Variants in ZNF169 observed in about 807,000 individuals in gnomAD.
The protein encoded by ZNF169 is zinc finger protein 169.
ZNF169 carries 11 observed loss-of-function variants against 12.0 expected under a neutral mutation model. The observed-to-expected ratio is 0.92, with a 90% CI of 0.58 to 1.52. The LOEUF (loss-of-function observed/expected upper bound fraction) is 1.52. ZNF169 is among the 40% of genes most tolerant of loss of function. The pLI is 0.00. For synonymous variants in ZNF169, 302 were observed against 286.5 expected, an observed-to-expected ratio of 1.05 and a Z score of -0.55; for missense variants, 722 against 744.0, an observed-to-expected ratio of 0.97 and a Z score of 0.34.
chr9:94,286,943 A>G (rs1177011371), intron 2 of ZNF169, among the ~76,000 whole-genome samples: 1 of 152,220 alleles, frequency 6.6e-6, no homozygotes, highest in South Asian at 2.1e-4. Context: ...GGAACAGGTC[A>G]TGAAGCTCTG....
chr9:94,295,130 C>G (rs1830925699), intron 4 of ZNF169: 1 of 152,116 alleles, frequency 6.6e-6, no homozygotes. Context: ...GAGTTTGAGA[C>G]CAGCCTGGCC....
At chr9:94,273,780 C>T (rs1001024954) in intron 1 of ZNF169, among the ~76,000 whole-genome samples, 3 of 151,776 alleles carry the variant, frequency 2.0e-5, no homozygotes, top group East Asian at 1.9e-4. Flanking sequence ...GGGGTTTCAC[C>T]GTGTTAGCCA....
intron 1 of ZNF169, among the ~76,000 whole-genome samples, chr9:94,273,354 G>A (rs1830458602): frequency 6.6e-6 from 1 of 151,140 alleles, no homozygotes. Context: ...TTCAGGTCTA[G>A]GGTTTAGCAA....
Position 94,296,334 on chromosome 9 carries a change from A to G in ZNF169, c.256+3265A>G, listed in dbSNP as rs145024763. 4.1e-4 allele frequency among the ~76,000 whole-genome samples: 62 copies of G among 152,342 alleles called. No individual in the cohort carries two copies. In the East Asian group the frequency reaches 9.6e-3, roughly 24 times the overall value. ...CTGTGGTTTACTTTCTATAATCTTA[A>G]TAGTGCCTTTCAAAGAGAAATTTTA... On this transcript the variant is annotated intron_variant, in intron 4 of 4. Transcript: ENST00000395395.
Position 94,291,720 on chromosome 9 carries a change from T to TA in ZNF169, c.34-613dup, listed in dbSNP as rs1239707273. 2.3e-4 allele frequency among the ~76,000 whole-genome samples: 35 copies of TA among 152,098 alleles called. No homozygotes were observed. The East Asian group carries it at 5.4e-3, about 23-fold the overall frequency. On this transcript the variant is annotated intron_variant, in intron 2 of 4. Coordinates refer to ENST00000395395, the MANE Select transcript of ZNF169 (RefSeq NM_194320.4). The stretch of plus-strand genomic sequence containing the variant: ...AAAATACAGTACCATTAAAATTACT[T>TA]AAAAAAAAGAAGAAAGCTGAAGAAA...
intron 4 of ZNF169, chr9:94,294,711 T>C (rs1357542504): frequency 6.6e-6 from 1 of 152,226 alleles, no homozygotes; most frequent in East Asian, 1.9e-4. Flanking sequence ...TTTTCATATG[T>C]TGCTTGGCCC....
At chr9:94,288,824 C>CT (rs1412578436) in intron 2 of ZNF169, among the ~76,000 whole-genome samples, 20 of 151,350 alleles carry the variant, frequency 1.3e-4, no homozygotes, top group South Asian at 1.0e-3. Context: ...TCAATTGAAC[C>CT]TTTTTTTTTC....
At chr9:94,289,894 CAA>C (rs1329952293) in intron 2 of ZNF169, among the ~76,000 whole-genome samples, 1 of 151,902 alleles carries the variant, frequency 6.6e-6, no homozygotes, top group Non-Finnish European at 1.5e-5. Context: ...GTAAAGAAAA[CAA>C]AGAGGCAAAA....
At chr9:94,274,594 G>A (rs9695176) in intron 1 of ZNF169, among the ~76,000 whole-genome samples, 86,358 of 151,972 alleles carry the variant, frequency 0.57, 24,617 homozygotes, top group Middle Eastern at 0.64. Flanking sequence ...ATATTGTTTA[G>A]GTTGACAATG....
chr9:94,260,737 T>G (rs1830188075), intron 1 of ZNF169, among the ~76,000 whole-genome samples: 1 of 151,542 alleles, frequency 6.6e-6, no homozygotes, highest in African/African-American at 2.4e-5. Context: ...TTCTCAAGCC[T>G]CAGGGGGCTG....
intron 1 of ZNF169, among the ~76,000 whole-genome samples, chr9:94,274,621 C>T (rs1484882056): frequency 1.3e-5 from 2 of 152,192 alleles, no homozygotes; most frequent in South Asian, 4.1e-4. Flanking sequence ...ATATACCTAA[C>T]CTGCCGCACA....
chr9:94,296,733 G>A (rs945191567), intron 4 of ZNF169: 2 of 456,812 alleles, frequency 4.4e-6, no homozygotes, highest in African/African-American at 4.0e-5. Flanking sequence ...GTGTCTCTAT[G>A]CCAATACCAC....
In ZNF169 at chr9:94,293,044, C is replaced by T. The variant is rs368149871; in HGVS notation, c.231C>T (p.Asn77=). The change falls in exon 4 of 5, where the codon AAC becomes AAT. Residue 77 remains asparagine, a synonymous_variant. Coordinates refer to ENST00000395395, the MANE Select transcript of ZNF169 (RefSeq NM_194320.4). ...GCGACGAACCTTGGAGAGAGGAGAA[C>T]GAACATCTTCTGGACCTTTGTCCAG... ...EQGDEPWREE[N]EHLLDLCPEP... The T allele has an allele frequency of 8.3e-5, 134 of 1,613,288 alleles. No homozygotes were observed. The highest frequency in any genetic ancestry group is 1.1e-4 in the Non-Finnish European group (124 of 1,179,740).
chr9:94,292,206 G>C (rs1044557607), intron 2 of ZNF169, 135 bp from the exon 3 acceptor site: 6 of 1,462,204 alleles, frequency 4.1e-6, no homozygotes, highest in Admixed American at 1.8e-5. Flanking sequence ...CAGGTTTCAG[G>C]TTAAAAGCAG....
chr9:94,282,858 G>A (rs3118758), intron 2 of ZNF169, among the ~76,000 whole-genome samples: 136,058 of 152,112 alleles, frequency 0.89, 61,539 homozygotes, highest in East Asian at 0.99. Flanking sequence ...TTTGGTTGAG[G>A]TATAATTCAC....
At chr9:94,275,117 G>T (rs1375264627) in intron 1 of ZNF169, among the ~76,000 whole-genome samples, 1 of 152,118 alleles carries the variant, frequency 6.6e-6, no homozygotes, top group Non-Finnish European at 1.5e-5. Flanking sequence ...CACATCTGTA[G>T]CCACAGCTAC....
chr9:94,267,519 G>T (rs561187745), intron 1 of ZNF169, among the ~76,000 whole-genome samples: 7 of 152,184 alleles, frequency 4.6e-5, no homozygotes, highest in Non-Finnish European at 1.0e-4. Flanking sequence ...CCAAATTCTA[G>T]AGGAACCAGG....
intron 2 of ZNF169, among the ~76,000 whole-genome samples, chr9:94,283,181 C>T (rs924349001): frequency 2.0e-5 from 3 of 152,162 alleles, no homozygotes; most frequent in East Asian, 3.9e-4. Context: ...GAGGCTGAGG[C>T]GGGCGGATCA....
intron 4 of ZNF169, among the ~76,000 whole-genome samples, chr9:94,298,881 C>G (rs1420257324): frequency 6.6e-6 from 1 of 152,024 alleles, no homozygotes; most frequent in Non-Finnish European, 1.5e-5. Context: ...CTATTTAAAC[C>G]TAGAAACAAA....
Sources: gnomAD v4.1 joint callset for allele counts (sites outside exome capture counted in the v4.1 genomes callset) on GRCh38, gnomAD v4.1.1 for gene constraint, MANE v1.5 for transcripts, NCBI Gene and HGNC (gene_info 2026-07-23, HGNC 2026-07-21) for gene names.